ZNF557: variants seen among roughly 807,000 people sequenced by gnomAD.
ZNF557 encodes CTB-25J19.9.
In ZNF557, 19 loss-of-function variants were observed where a neutral mutation model predicts 21.2. The observed-to-expected ratio is 0.90, with a 90% CI of 0.63 to 1.32. The LOEUF is 1.32. Ranked by LOEUF, ZNF557 falls within the 40% of genes most tolerant of loss-of-function variation. The pLI, the probability that ZNF557 is intolerant of heterozygous loss-of-function variation, is 0.00. For synonymous variants in ZNF557, 207 were observed against 194.8 expected (o/e 1.06, Z -0.52); for missense variants, 487 against 519.8 (o/e 0.94, Z 0.61).
intron 2 of ZNF557, among the ~76,000 whole-genome samples, 176 bp downstream of exon 2, chr19:7,070,829 G>A (rs575802890): frequency 3.3e-5 from 5 of 150,404 alleles, no homozygotes; most frequent in South Asian, 2.1e-4. Flanking sequence ...GCAGTGGTGC[G>A]ATCTCAGCTC....
chr19:7,071,796 T>A, intron 2 of ZNF557, among the ~76,000 whole-genome samples: 1 of 26,610 alleles, frequency 3.8e-5, no homozygotes, highest in Non-Finnish European at 7.6e-5. Flanking sequence ...CAAGACTGCA[T>A]CTCAAAAAAA....
chr19:7,074,939 G>A (rs1024797207), intron 2 of ZNF557, 57 bp from the exon 3 acceptor site: 23 of 1,443,198 alleles, frequency 1.6e-5, no homozygotes, highest in African/African-American at 2.8e-5. Context: ...GGTGACCGAC[G>A]CAGGGCACGG....
chr19:7,082,777 C>A, intron 7 of ZNF557, 101 bp from the exon 8 acceptor site: 2 of 1,243,732 alleles, frequency 1.6e-6, no homozygotes, highest in Non-Finnish European at 2.2e-6. Flanking sequence ...AATTCCAATA[C>A]TATGATACAC....
intron 2 of ZNF557, among the ~76,000 whole-genome samples, chr19:7,073,207 G>A (rs1977502944): frequency 6.9e-6 from 1 of 145,708 alleles, no homozygotes; most frequent in South Asian, 2.1e-4. Flanking sequence ...CTAGAGTGCA[G>A]TGGCATGATC....
At chr19:7,073,147 G>GTTTTT (rs1568405603) in intron 2 of ZNF557, among the ~76,000 whole-genome samples, 1 of 74,412 alleles carries the variant, frequency 1.3e-5, no homozygotes, top group Non-Finnish European at 2.9e-5. Context: ...TTGTTTTTTT[G>GTTTTT]GTTTTTTTTG....
At position 7,083,592 on chromosome 19, in the gene ZNF557, T is replaced by C. The variant is rs1397171257; in HGVS notation, c.1141T>C (p.Cys381Arg). The change falls in exon 8 of 8, where the codon TGT (cysteine) becomes CGT (arginine). Residue 381 changes from cysteine (C) to arginine (R), a missense_variant. Transcript: ENST00000252840. The part of the protein sequence containing the change: ...NGEKSYECSD[C>R]GKSFNVLSSV... ...AGAGAAATCCTATGAGTGCAGTGAT[T>C]GTGGAAAATCCTTTAATGTTCTCTC... The C allele has an allele frequency of 6.2e-7, 1 of 1,614,088 alleles. No individual in the cohort carries two copies. Among genetic ancestry groups the C allele is most frequent in the Non-Finnish European group, 8.5e-7 (1 of 1,179,948 alleles).
At chr19:7,073,157 G>GGT (rs1555729257) in intron 2 of ZNF557, among the ~76,000 whole-genome samples, 2 of 136,072 alleles carry the variant, frequency 1.5e-5, no homozygotes, top group African/African-American at 2.8e-5. Flanking sequence ...GGTTTTTTTT[G>GGT]TTTTTTTTTT....
rs1977749037 is a variant in ZNF557 at position 7,083,072 on chromosome 19, C to G, written c.621C>G (p.Pro207=). The G allele has an allele frequency of 2.5e-6, 4 of 1,613,976 alleles. No individual in the cohort carries two copies. The highest frequency in any genetic ancestry group is 3.4e-6 in the Non-Finnish European group (4 of 1,179,968). Residue 207 remains proline, a synonymous_variant, in exon 8 of 8, where the codon CCC becomes CCG. Transcript: ENST00000252840. The part of the protein sequence containing the change: ...VHKRIHNGEK[P]YECNDCGKTF... ...AGAGAATCCACAATGGGGAGAAACC[C>G]TATGAATGCAATGACTGTGGGAAAA...
chr19:7,086,327 T>C lies in ZNF557; in HGVS notation c.*2583T>C, dbSNP rs1599847305. ...ACTTTGTGATTTTGGTTGTTTTCTC[T>C]TTGTGTCCTAATATAGCAAATACTG... On this transcript the variant is annotated 3_prime_UTR_variant, in exon 8 of 8. Coordinates refer to ENST00000252840, the MANE Select transcript of ZNF557 (RefSeq NM_024341.3). 1 of 151,446 alleles carries C rather than the reference T, an allele frequency of 6.6e-6. No individual in the cohort carries two copies. The highest frequency in any genetic ancestry group is 1.9e-4 in the East Asian group (1 of 5,174). The allele number at this position is 151,446 out of a possible 1,614,324, so 9.4% of individuals were successfully genotyped here.
intron 7 of ZNF557, among the ~76,000 whole-genome samples, chr19:7,082,415 C>CT (rs1353253185): frequency 1.4e-5 from 1 of 70,938 alleles, no homozygotes; most frequent in African/African-American, 6.6e-5. Context: ...GAGCAAGACT[C>CT]TGTCTCAAAA....
chr19:7,082,919 G>T lies in ZNF557; in HGVS notation c.468G>T (p.Gln156His), dbSNP rs374154942. ...GAGCAACACTCAACGAATGTAATCA[G>T]TGTTTTAAAGTCTTCAGCACAAAAT... is the stretch of plus-strand genomic sequence containing the variant. ...HLGATLNECN[Q>H]CFKVFSTKSS... The change falls in exon 8 of 8, where the codon CAG becomes CAT. Residue 156 changes from glutamine (Q) to histidine (H), a missense_variant. Gln to His is a conservative substitution (Grantham distance 24). Coordinates refer to ENST00000252840, the MANE Select transcript of ZNF557 (RefSeq NM_024341.3). The T allele has an allele frequency of 5.0e-5, 80 of 1,606,744 alleles. No homozygotes were observed. The highest frequency in any genetic ancestry group is 6.5e-5 in the Non-Finnish European group (77 of 1,175,792).
At chr19:7,076,780 C>T (rs76185923) in intron 5 of ZNF557, among the ~76,000 whole-genome samples, 3,038 of 152,200 alleles carry the variant, frequency 0.02, 46 homozygotes, top group Non-Finnish European at 0.028. Context: ...CTAATCTTTC[C>T]GTCTCTATAG....
rs1977819416 is a variant in ZNF557, at chr19:7,085,549, A to G, written c.*1805A>G. 2 of 152,322 alleles carry G rather than the reference A, an allele frequency of 1.3e-5. No individual in the cohort carries two copies. The highest frequency in any genetic ancestry group is 2.1e-4 in the South Asian group (1 of 4,826). 9.4% of individuals were successfully genotyped at this position (152,322 alleles called of 1,614,324 possible). A position where few individuals can be genotyped will look rare whatever the true frequency, so the allele number is the denominator to read the frequency against. ...AATATGTAAATGTTCCTTGGATGCA[A>G]TACTCACGAGTGTATTAATTTCAGA... On this transcript the variant is annotated 3_prime_UTR_variant, in exon 8 of 8. Coordinates refer to ENST00000252840, the MANE Select transcript of ZNF557 (RefSeq NM_024341.3).
At chr19:7,076,166 T>C (rs1977584143) in intron 4 of ZNF557, among the ~76,000 whole-genome samples, 1 of 152,174 alleles carries the variant, frequency 6.6e-6, no homozygotes, top group African/African-American at 2.4e-5. Flanking sequence ...TGCGGTACTG[T>C]GCGCTGGACC....
chr19:7,081,848 C>A, intron 6 of ZNF557, 122 bp from the exon 7 acceptor site: 1 of 711,956 alleles, frequency 1.4e-6, no homozygotes, highest in Admixed American at 2.6e-5. Context: ...CACCGAATGC[C>A]TTCTCAAAAA....
intron 5 of ZNF557, among the ~76,000 whole-genome samples, chr19:7,080,713 ATC>A (rs1347380450): frequency 6.6e-6 from 1 of 152,014 alleles, no homozygotes; most frequent in Non-Finnish European, 1.5e-5. Flanking sequence ...AATGTCACAA[ATC>A]TCTCTTACCC....
Position 7,075,032 on chromosome 19 carries a change from G to A in ZNF557, c.-43G>A, listed in dbSNP as rs1977555155. The A allele has an allele frequency of 1.2e-6, 2 of 1,614,008 alleles. No homozygotes were observed. The highest frequency in any genetic ancestry group is 1.7e-6 in the Non-Finnish European group (2 of 1,179,984). On this transcript the variant is annotated 5_prime_UTR_variant, in exon 3 of 8. Coordinates refer to ENST00000252840, the MANE Select transcript of ZNF557 (RefSeq NM_024341.3). ...GAGAGCGCTGCGGGATAAAGGAGGA[G>A]CGTCCTGCTTCCCGGCTGCCCTGTT...
Position 7,085,014 on chromosome 19 carries a change from C to T in ZNF557, c.*1270C>T, listed in dbSNP as rs984279674. 6.6e-6 allele frequency: 1 copy of T among 152,050 alleles called. No individual in the cohort carries two copies. Among genetic ancestry groups the T allele is most frequent in the Non-Finnish European group, 1.5e-5 (1 of 68,024 alleles). The allele number at this position is 152,050 out of a possible 1,614,324, so 9.4% of individuals were successfully genotyped here. Reference sequence around the variant, plus strand: ...GCCTGTGACACAAACAGTCATATTACCAAGCACAAGACAGTATAGTTTGGT... The same window carrying T: ...GCCTGTGACACAAACAGTCATATTATCAAGCACAAGACAGTATAGTTTGGT... On this transcript the variant is annotated 3_prime_UTR_variant, in exon 8 of 8. Coordinates refer to ENST00000252840, the MANE Select transcript of ZNF557 (RefSeq NM_024341.3).
intron 3 of ZNF557, 23 bp from the exon 4 acceptor site, chr19:7,075,632 G>A (rs758284614): frequency 6.2e-7 from 1 of 1,610,946 alleles, no homozygotes; most frequent in South Asian, 1.1e-5. Context: ...GTGGATTCCT[G>A]GTACTCATTT....
Sources: allele counts gnomAD v4.1 joint callset (sites outside exome capture counted in the v4.1 genomes callset), GRCh38; gene constraint gnomAD v4.1.1; transcripts MANE v1.5; gene names NCBI Gene and HGNC (gene_info 2026-07-23, HGNC 2026-07-21).